The following AGBL4 variants were observed in gnomAD, a reference collection of about 807,000 sequenced individuals.
AGBL4 encodes the protein AGBL carboxypeptidase 4.
Under a neutral mutation model 66.4 loss-of-function variants are expected in AGBL4, and 58 were observed. The ratio of observed to expected loss-of-function variants is 0.87; its 90% CI spans 0.71 to 1.09. The LOEUF is 1.09. Among genes scored for constraint, AGBL4 ranks in the 50% least tolerant of loss-of-function variants. The probability of loss-of-function intolerance (pLI) is 0.00; values close to 1 mark genes in which losing one functional copy is unlikely to be tolerated. For synonymous variants in AGBL4, 234 were observed against 222.9 expected (o/e 1.05, Z -0.44); for missense variants, 579 against 631.0 (o/e 0.92, Z 0.88).
At chr1:48,866,827 C>A (rs542380924) in intron 6 of AGBL4, among the ~76,000 whole-genome samples, 4 of 152,288 alleles carry the variant, frequency 2.6e-5, no homozygotes, top group East Asian at 1.9e-4. Flanking sequence ...TTCTATGGCA[C>A]CTTCCAAGCA....
intron 3 of AGBL4, among the ~76,000 whole-genome samples, chr1:49,297,192 A>G (rs929157596): frequency 9.9e-5 from 15 of 152,196 alleles, no homozygotes; most frequent in Non-Finnish European, 1.5e-4. Context: ...TCATTCACTT[A>G]TTTTTAAAAC....
chr1:49,010,031 C>A (rs1454448641), intron 5 of AGBL4, among the ~76,000 whole-genome samples: 1 of 152,052 alleles, frequency 6.6e-6, no homozygotes, highest in Non-Finnish European at 1.5e-5. Flanking sequence ...CTGGCCAGGG[C>A]AATTAGGCAG....
At chr1:49,553,534 A>G (rs2148841667) in intron 3 of AGBL4, among the ~76,000 whole-genome samples, 1 of 152,306 alleles carries the variant, frequency 6.6e-6, no homozygotes, top group Admixed American at 6.5e-5. Context: ...GTTTCCCTAG[A>G]TATCTAATGT....
chr1:48,765,312 A>G (rs1644476939), intron 6 of AGBL4, among the ~76,000 whole-genome samples: 1 of 152,246 alleles, frequency 6.6e-6, no homozygotes, highest in Admixed American at 6.5e-5. Context: ...GAGTATATGA[A>G]AGGAGCTCAA....
chr1:48,883,581 C>G (rs1649995387), intron 5 of AGBL4, among the ~76,000 whole-genome samples: 1 of 152,178 alleles, frequency 6.6e-6, no homozygotes, highest in African/African-American at 2.4e-5. Flanking sequence ...GCATTTCTCC[C>G]TAACATAGTA....
intron 3 of AGBL4, among the ~76,000 whole-genome samples, chr1:49,483,125 T>C (rs563044202): frequency 6.6e-6 from 1 of 152,192 alleles, no homozygotes; most frequent in South Asian, 2.1e-4. Flanking sequence ...CGTAGATATC[T>C]GATGCATTTG....
chr1:49,478,418 T>C (rs1056884041), intron 3 of AGBL4, among the ~76,000 whole-genome samples: 7 of 151,920 alleles, frequency 4.6e-5, no homozygotes, highest in Admixed American at 2.0e-4. Flanking sequence ...AGAAACCTTA[T>C]AGGCCAGGAG....
At chr1:49,510,449 ATTTG>A (rs1638252238) in intron 3 of AGBL4, among the ~76,000 whole-genome samples, 2 of 149,462 alleles carry the variant, frequency 1.3e-5, no homozygotes, top group South Asian at 4.3e-4. Context: ...TTTCTTGTAA[ATTTG>A]TTTGAGTTCA....
chr1:49,178,303 T>C (rs143521787), intron 4 of AGBL4, among the ~76,000 whole-genome samples: 120 of 152,320 alleles, frequency 7.9e-4, no homozygotes, highest in African/African-American at 2.8e-3. Context: ...ATGTCAAGTG[T>C]ACATGTTACT....
chr1:49,038,709 G>A (rs1212960692), intron 5 of AGBL4, among the ~76,000 whole-genome samples: 1 of 152,032 alleles, frequency 6.6e-6, no homozygotes, highest in Admixed American at 6.6e-5. Context: ...CTACATGCTG[G>A]CAAGGATGTG....
intron 3 of AGBL4, among the ~76,000 whole-genome samples, chr1:49,568,066 G>C (rs1644248840): frequency 6.6e-6 from 1 of 152,074 alleles, no homozygotes; most frequent in Admixed American, 6.6e-5. Context: ...AAACAAAGAT[G>C]CTCTCTCTCA....
chr1:48,698,252 G>A (rs936662253), intron 6 of AGBL4, among the ~76,000 whole-genome samples: 1 of 152,228 alleles, frequency 6.6e-6, no homozygotes, highest in Non-Finnish European at 1.5e-5. Context: ...CAGGGTGCAG[G>A]GAAGCATAGA....
rs546055748 is a variant in AGBL4, at chr1:49,492,571, C to A, written c.282+204742G>T. On this transcript the variant is annotated intron_variant, in intron 3 of 13. Transcript: ENST00000371839. ...TGATTGCATCTGTGTTCCTTTTTAC[C>A]ACATATAGGTTTGGTCACTGTATTA... Among the ~76,000 whole-genome samples, 13 of 151,918 alleles carry A rather than the reference C, an allele frequency of 8.6e-5. No homozygotes were observed. In the South Asian group the frequency reaches 1.2e-3, roughly 15 times the overall value.
At chr1:48,675,674 A>C (rs916311985) in intron 6 of AGBL4, among the ~76,000 whole-genome samples, 1 of 152,228 alleles carries the variant, frequency 6.6e-6, no homozygotes, top group African/African-American at 2.4e-5. Context: ...CACCATAAAA[A>C]TCAGAGGAGT....
intron 6 of AGBL4, among the ~76,000 whole-genome samples, chr1:48,694,906 A>G (rs1646691524): frequency 6.6e-6 from 1 of 152,032 alleles, no homozygotes; most frequent in Non-Finnish European, 1.5e-5. Context: ...TCATCCCACC[A>G]TTTTATAATC....
chr1:48,759,222 C>A (rs1439867911), intron 6 of AGBL4: 1 of 1,603,842 alleles, frequency 6.2e-7, no homozygotes, highest in Non-Finnish European at 8.5e-7. Flanking sequence ...GCTTCTCTAG[C>A]CGAGCCACCA....
At chr1:49,637,804 C>A (rs1273939038) in intron 3 of AGBL4, among the ~76,000 whole-genome samples, 1 of 151,450 alleles carries the variant, frequency 6.6e-6, no homozygotes, top group Non-Finnish European at 1.5e-5. Context: ...CTTGAGGAAC[C>A]AATATATAAA....
intron 1 of AGBL4, among the ~76,000 whole-genome samples, chr1:49,925,168 G>A (rs1652641185): frequency 6.6e-6 from 1 of 152,200 alleles, no homozygotes; most frequent in South Asian, 2.1e-4. Flanking sequence ...GGATTGGAGA[G>A]GACTTTGTCT....
intron 2 of AGBL4, among the ~76,000 whole-genome samples, chr1:49,823,013 G>T (rs1645409402): frequency 1.3e-5 from 2 of 152,204 alleles, no homozygotes; most frequent in African/African-American, 4.8e-5. Flanking sequence ...ACACCAGTTA[G>T]ATACAGATGA....
Sources: allele counts gnomAD v4.1 joint callset (sites outside exome capture counted in the v4.1 genomes callset), GRCh38; gene constraint gnomAD v4.1.1; transcripts MANE v1.5; gene names NCBI Gene and HGNC (gene_info 2026-07-23, HGNC 2026-07-21).